GSE1: variants seen among roughly 807,000 people sequenced by gnomAD.
GSE1 encodes Gse1 coiled-coil protein.
In GSE1, 32 loss-of-function variants were observed where a neutral mutation model predicts 112.6. The observed-to-expected ratio is 0.28, with a 90% CI of 0.21 to 0.38. The LOEUF (loss-of-function observed/expected upper bound fraction) is 0.38, where lower values mean the gene tolerates loss of function less well. Ranked by LOEUF, GSE1 falls within the 10% of genes least tolerant of loss-of-function variation. The pLI is 1.00. For missense variants in GSE1, 2,348 were observed against 1,699.2 expected (o/e 1.38, Z -6.71); for synonymous variants, 1,115 against 735.6 (o/e 1.52, Z -8.35).
intron 2 of GSE1, among the ~76,000 whole-genome samples, chr16:85,375,348 A>G (rs548690993): frequency 2.0e-5 from 3 of 152,248 alleles, no homozygotes; most frequent in Non-Finnish European, 2.9e-5. Context: ...GGGGCAATGC[A>G]GGAGTCTCAG....
chr16:85,229,829 C>T (rs1430557225), intron 1 of GSE1, among the ~76,000 whole-genome samples: 1 of 152,204 alleles, frequency 6.6e-6, no homozygotes, highest in Non-Finnish European at 1.5e-5. Flanking sequence ...GAGATAGCTG[C>T]CACGGCTCCA....
intron 1 of GSE1, among the ~76,000 whole-genome samples, chr16:85,246,200 TACACACACACACACAC>T (rs545313239): frequency 1.9e-4 from 17 of 89,118 alleles, no homozygotes; most frequent in Non-Finnish European, 2.9e-4. Context: ...TCAGGGACCC[TACACACACACACACAC>T]ACACACACAC....
chr16:85,465,064 C>T (rs143579452), intron 2 of GSE1, among the ~76,000 whole-genome samples: 83 of 152,310 alleles, frequency 5.4e-4, no homozygotes, highest in Non-Finnish European at 7.4e-4. Context: ...CCTGGGCAGT[C>T]CCACTCAGGG....
intron 1 of GSE1, among the ~76,000 whole-genome samples, chr16:85,221,231 G>C (rs1663494154): frequency 6.6e-6 from 1 of 152,050 alleles, no homozygotes; most frequent in African/African-American, 2.4e-5. Context: ...GGGCCGGGCT[G>C]TGCGAGGAGC....
intron 2 of GSE1, among the ~76,000 whole-genome samples, chr16:85,519,368 G>GGTCTCCATCACCA (rs2052070011): frequency 1.4e-4 from 8 of 57,402 alleles, no homozygotes; most frequent in African/African-American, 4.7e-4. Flanking sequence ...CACCATCACC[G>GGTCTCCATCACCA]GTCTCCATCA....
Position 85,434,359 on chromosome 16 carries a change from G to A in GSE1, c.2464+76716G>A, listed in dbSNP as rs74034723. 1.9e-3 allele frequency among the ~76,000 whole-genome samples: 280 copies of A among 149,324 alleles called. 2 individuals are homozygous for A. The highest frequency in any genetic ancestry group is 6.7e-3 in the African/African-American group (264 of 39,414). ...ATAATAATAATAATCAGTGCCGTCC[G>A]CCTCCTGTATACCCGGTGTCAGCGC... On this transcript the variant is annotated intron_variant, in intron 2 of 2. Coordinates refer to the GSE1 transcript ENST00000637419.
rs147133615 is a variant in GSE1 at position 85,340,670 on chromosome 16, G to A, written c.2284-16793G>A. ...ACAAACAAAGAAAAAACATCTTCAC[G>A]TGAGCTGTTCGGGACCAGCTCCTGA... On this transcript the variant is annotated intron_variant, in intron 1 of 2. Transcript: ENST00000637419. Among the ~76,000 whole-genome samples the A allele has an allele frequency of 1.8e-4, 28 of 152,260 alleles. 1 individual carries two copies. Among genetic ancestry groups the A allele is most frequent in the African/African-American group, 6.5e-4 (27 of 41,540 alleles).
chr16:85,437,789 A>C (rs2049285159), intron 2 of GSE1, among the ~76,000 whole-genome samples: 1 of 152,206 alleles, frequency 6.6e-6, no homozygotes, highest in Non-Finnish European at 1.5e-5. Context: ...ACCACCGCCT[A>C]GAGCTAGCAG....
At chr16:85,245,341 C>T (rs1381488266) in intron 1 of GSE1, among the ~76,000 whole-genome samples, 1 of 152,228 alleles carries the variant, frequency 6.6e-6, no homozygotes, top group Non-Finnish European at 1.5e-5. Context: ...GCATCACCCT[C>T]CCGAGACTTT....
intron 1 of GSE1, among the ~76,000 whole-genome samples, chr16:85,212,815 A>T (rs991915633): frequency 3.9e-5 from 6 of 151,968 alleles, no homozygotes; most frequent in Admixed American, 3.9e-4. Context: ...TCTTAATGAT[A>T]CCTTATTGCT....
At chr16:85,505,765 C>A (rs565632244) in intron 2 of GSE1, among the ~76,000 whole-genome samples, 2 of 152,202 alleles carry the variant, frequency 1.3e-5, no homozygotes, top group Admixed American at 1.3e-4. Context: ...ACACCTGCAA[C>A]CCCAGCACTT....
At chr16:85,272,575 G>C (rs1354551975) in intron 1 of GSE1, among the ~76,000 whole-genome samples, 1 of 152,104 alleles carries the variant, frequency 6.6e-6, no homozygotes, top group Non-Finnish European at 1.5e-5. Flanking sequence ...TGGGAGGGGT[G>C]GAGCCGTGCT....
At chr16:85,556,409 G>T (rs962422002) in intron 1 of GSE1, 29 of 933,440 alleles carry the variant, frequency 3.1e-5, no homozygotes, top group Middle Eastern at 5.4e-4. Context: ...GCGCCGGCGC[G>T]CCCGGGACCC....
intron 2 of GSE1, among the ~76,000 whole-genome samples, chr16:85,460,860 C>G (rs1597821264): frequency 6.6e-6 from 1 of 152,226 alleles, no homozygotes; most frequent in East Asian, 1.9e-4. Context: ...AGTTCAGACC[C>G]AGGGGACCGT....
At chr16:85,180,401 G>A (rs2143285995) in intron 1 of GSE1, among the ~76,000 whole-genome samples, 1 of 152,318 alleles carries the variant, frequency 6.6e-6, no homozygotes, top group South Asian at 2.1e-4. Context: ...CATCATTAGT[G>A]TCATTTGTTG....
At chr16:85,578,762 G>A (rs1026557190) in intron 1 of GSE1, among the ~76,000 whole-genome samples, 1 of 152,178 alleles carries the variant, frequency 6.6e-6, no homozygotes, top group African/African-American at 2.4e-5. Flanking sequence ...CAGGGCCTTT[G>A]CACAGGCTAG....
chr16:85,246,931 C>A (rs1212105559), intron 1 of GSE1, among the ~76,000 whole-genome samples: 1 of 152,062 alleles, frequency 6.6e-6, no homozygotes, highest in Non-Finnish European at 1.5e-5. Context: ...TGGGTTACCC[C>A]CTGCTAATGT....
At chr16:85,650,812 C>T (rs796318966) in intron 3 of GSE1, among the ~76,000 whole-genome samples, 19 of 152,054 alleles carry the variant, frequency 1.2e-4, no homozygotes, top group African/African-American at 4.6e-4. Context: ...CGGCCCAAAG[C>T]TGTGGCCATG....
chr16:85,360,486 G>A (rs909852459), intron 2 of GSE1, among the ~76,000 whole-genome samples: 8 of 152,180 alleles, frequency 5.3e-5, no homozygotes, highest in Non-Finnish European at 5.9e-5. Context: ...AGCATGTCCC[G>A]CAGTCAGGCC....
Sources: gnomAD v4.1 joint callset for allele counts (sites outside exome capture counted in the v4.1 genomes callset) on GRCh38, gnomAD v4.1.1 for gene constraint, MANE v1.5 for transcripts, NCBI Gene and HGNC (gene_info 2026-07-23, HGNC 2026-07-21) for gene names.